Variants in PRKD1 observed in about 807,000 individuals in gnomAD.
The protein encoded by PRKD1 is protein kinase D1.
In PRKD1, 63 loss-of-function variants were observed where a neutral mutation model predicts 95.9. That is an observed-to-expected ratio of 0.66 (90% confidence interval 0.54 to 0.81). The LOEUF (loss-of-function observed/expected upper bound fraction) is 0.81. PRKD1 is among the 30% of genes least tolerant of loss of function. The pLI, the probability that PRKD1 is intolerant of heterozygous loss-of-function variation, is 0.00. For synonymous variants in PRKD1, 425 were observed against 423.1 expected (o/e 1.00, Z -0.05); for missense variants, 1,048 against 1,165.3 (o/e 0.90, Z 1.47).
chr14:29,819,456 C>A (rs547045140), intron 1 of PRKD1, among the ~76,000 whole-genome samples: 1 of 152,018 alleles, frequency 6.6e-6, no homozygotes, highest in East Asian at 1.9e-4. Flanking sequence ...TTTGGGAGGC[C>A]GAGGCAGGCG....
intron 1 of PRKD1, among the ~76,000 whole-genome samples, chr14:29,749,236 C>T (rs999181275): frequency 6.6e-6 from 1 of 152,094 alleles, no homozygotes; most frequent in African/African-American, 2.4e-5. Context: ...CTTCAGATAG[C>T]CAGTTCATAC....
At chr14:29,767,447 T>G (rs547771783) in intron 1 of PRKD1, among the ~76,000 whole-genome samples, 1 of 152,170 alleles carries the variant, frequency 6.6e-6, no homozygotes, top group African/African-American at 2.4e-5. Flanking sequence ...TTTGGAGCCA[T>G]GCAAAACATC....
intron 1 of PRKD1, among the ~76,000 whole-genome samples, chr14:29,849,578 A>AAC (rs199853785): frequency 1.1e-3 from 137 of 123,176 alleles, no homozygotes; most frequent in African/African-American, 5.3e-3. Flanking sequence ...CAACAACAAC[A>AAC]AAAAAAAAAC....
At chr14:29,605,081 C>G (rs752690576) in intron 13 of PRKD1, among the ~76,000 whole-genome samples, 7 of 152,088 alleles carry the variant, frequency 4.6e-5, no homozygotes, top group Non-Finnish European at 8.8e-5. Flanking sequence ...TCACACTGAC[C>G]CCTTACCTTC....
chr14:29,665,201 G>C (rs1489858191), intron 3 of PRKD1, among the ~76,000 whole-genome samples: 1 of 152,166 alleles, frequency 6.6e-6, no homozygotes, highest in African/African-American at 2.4e-5. Flanking sequence ...AACATAAGCA[G>C]ATAGCTCCAT....
At chr14:29,907,346 G>A (rs1301061565) in intron 1 of PRKD1, among the ~76,000 whole-genome samples, 1 of 152,154 alleles carries the variant, frequency 6.6e-6, no homozygotes, top group African/African-American at 2.4e-5. Context: ...AGAAAGCAAA[G>A]AGCCCAGGTA....
At chr14:29,878,341 C>CAAAAAAAAA (rs58074850) in intron 1 of PRKD1, among the ~76,000 whole-genome samples, 7 of 49,800 alleles carry the variant, frequency 1.4e-4, no homozygotes, top group African/African-American at 3.3e-4. Context: ...GTTCTAATGA[C>CAAAAAAAAA]AAAAAAAAAA....
rs919226014 is a variant in PRKD1 at position 29,577,275 on chromosome 14, T to G, written c.2702A>C (p.Glu901Ala). 1 of 1,613,628 alleles carries G rather than the reference T, an allele frequency of 6.2e-7. No individual in the cohort carries two copies. The highest frequency in any genetic ancestry group is 1.3e-5 in the African/African-American group (1 of 74,884). ...GACACGCTCACCGAGGGCTTTCATT[T>G]CTGTTTCTTCAGTCTCAGGAGTGTC... ...HSDTPETEET[E>A]MKALGERVSI... The change falls in exon 18 of 18, where the codon GAA (glutamate) becomes GCA (alanine). Residue 901 changes from glutamate to alanine, a missense_variant. Glu to Ala is a moderately radical substitution (Grantham distance 107, BLOSUM62 -1). This residue lies in a region of PRKD1 where 739 missense variants were observed against 861.9 expected (regional missense o/e 0.86). Transcript: ENST00000331968.
At chr14:29,577,797 G>T (rs1172762819) in intron 17 of PRKD1, among the ~76,000 whole-genome samples, 1 of 152,060 alleles carries the variant, frequency 6.6e-6, no homozygotes, top group African/African-American at 2.4e-5. Flanking sequence ...GTTTAAATTC[G>T]ATGTGAAAAT....
intron 1 of PRKD1, among the ~76,000 whole-genome samples, chr14:29,847,791 A>G: frequency 6.6e-6 from 1 of 152,072 alleles, no homozygotes; most frequent in East Asian, 1.9e-4. Context: ...TCTCTAAGAT[A>G]TTGTAGCCAA....
intron 1 of PRKD1, among the ~76,000 whole-genome samples, chr14:29,826,120 G>GTC (rs1162800702): frequency 1.3e-5 from 2 of 148,938 alleles, no homozygotes; most frequent in African/African-American, 2.5e-5. Context: ...GTGTGTGTGT[G>GTC]TCTCTCTCTA....
chr14:29,597,160 G>A (rs1348954853), intron 16 of PRKD1, among the ~76,000 whole-genome samples: 10 of 152,072 alleles, frequency 6.6e-5, no homozygotes, highest in Non-Finnish European at 1.3e-4. Context: ...TAGTTTAAAA[G>A]TTTTTAACAC....
intron 3 of PRKD1, among the ~76,000 whole-genome samples, chr14:29,665,295 T>G (rs1882425930): frequency 1.3e-5 from 2 of 152,220 alleles, no homozygotes; most frequent in South Asian, 4.1e-4. Context: ...TATATAGTGG[T>G]AAAGTCTGGG....
At chr14:29,856,477 T>C (rs1307415644) in intron 1 of PRKD1, among the ~76,000 whole-genome samples, 1 of 152,112 alleles carries the variant, frequency 6.6e-6, no homozygotes, top group East Asian at 1.9e-4. Flanking sequence ...GGGATAAAAG[T>C]AAACAATCAA....
chr14:29,828,326 G>T (rs1464480230), intron 1 of PRKD1, among the ~76,000 whole-genome samples: 1 of 152,084 alleles, frequency 6.6e-6, no homozygotes, highest in Admixed American at 6.6e-5. Context: ...GGGAGCAAGA[G>T]AGAGAAGGAG....
chr14:29,853,106 T>C (rs1242254887), intron 1 of PRKD1, among the ~76,000 whole-genome samples: 1 of 152,102 alleles, frequency 6.6e-6, no homozygotes, highest in African/African-American at 2.4e-5. Context: ...TCAGACAAAA[T>C]AGACTTTAAA....
intron 2 of PRKD1, among the ~76,000 whole-genome samples, chr14:29,700,988 G>GCA (rs1555337072): frequency 0.23 from 21,205 of 90,404 alleles, 2,037 homozygotes; most frequent in East Asian, 0.46. Context: ...GCGCGCGCGC[G>GCA]CACACACACA....
intron 13 of PRKD1, among the ~76,000 whole-genome samples, chr14:29,600,765 C>T (rs1013720949): frequency 1.3e-5 from 2 of 152,114 alleles, no homozygotes; most frequent in Non-Finnish European, 2.9e-5. Flanking sequence ...TTTTGCTTGA[C>T]ACATTAATTG....
chr14:29,715,683 T>G (rs1885571558), intron 2 of PRKD1, among the ~76,000 whole-genome samples: 1 of 152,186 alleles, frequency 6.6e-6, no homozygotes, highest in African/African-American at 2.4e-5. Context: ...ACAAATCCTA[T>G]CACCTCTTTA....
Sources: gnomAD v4.1 joint callset for allele counts (sites outside exome capture counted in the v4.1 genomes callset) on GRCh38, gnomAD v4.1.1 for gene constraint, gnomAD v4.1.1 regional missense constraint, MANE v1.5 for transcripts, NCBI Gene and HGNC (gene_info 2026-07-23, HGNC 2026-07-21) for gene names.